FSCN1: variants seen among roughly 807,000 people sequenced by gnomAD.
The protein encoded by FSCN1 is fascin actin-bundling protein 1.
Under a neutral mutation model 39.7 loss-of-function variants are expected in FSCN1, and 10 were observed. That is an observed-to-expected ratio of 0.25 (90% confidence interval 0.16 to 0.43). The LOEUF is 0.43. Ranked by LOEUF, FSCN1 falls within the 20% of genes least tolerant of loss-of-function variation. The pLI, the probability that FSCN1 is intolerant of heterozygous loss-of-function variation, is 1.00. For missense variants in FSCN1, 525 were observed against 723.8 expected (o/e 0.73, Z 3.15); for synonymous variants, 322 against 320.0 (o/e 1.01, Z -0.07).
chr7:5,603,651 C>T lies in FSCN1; in HGVS notation c.1111+34C>T, dbSNP rs1405346270. The T allele has an allele frequency of 1.2e-6, 2 of 1,612,992 alleles. No homozygotes were observed. Among genetic ancestry groups the T allele is most frequent in the South Asian group, 1.1e-5 (1 of 91,044 alleles). ...AAAGCCCCAGTTCCCTGGAGCCGTC[C>T]TGGAGTCCTGGAGGGTCTGGCCATG... On this transcript the variant is annotated intron_variant, in intron 3 of 4. Coordinates refer to ENST00000382361, the MANE Select transcript of FSCN1 (RefSeq NM_003088.4). This position sits in a 1 kb window ranked among gnomAD's most constrained non-coding sequence, Gnocchi z 8.5.
chr7:5,594,615 G>T (rs140728684), intron 1 of FSCN1: 2,550 of 152,206 alleles, frequency 0.017, 35 homozygotes, highest in Non-Finnish European at 0.028. Context: ...CGGGTCCCGA[G>T]GTTCCCCAGG....
Position 5,603,377 on chromosome 7 carries a change from C to T in FSCN1, c.953C>T (p.Thr318Met), listed in dbSNP as rs150576558. ...RTHTGKYWTLTATGGVQSTAS... is the reference protein window; with the variant it reads ...RTHTGKYWTLMATGGVQSTAS... ...CACACGGGCAAGTACTGGACGCTGA[C>T]GGCCACCGGGGGCGTGCAGTCCACC... The change falls in exon 2 of 5, where the codon ACG (threonine) becomes ATG (methionine). Residue 318 changes from threonine (T) to methionine (M), a missense_variant. Coordinates refer to ENST00000382361, the MANE Select transcript of FSCN1 (RefSeq NM_003088.4). The surrounding 1 kb of genome is among the most constrained non-coding windows in gnomAD (Gnocchi z 8.5). The T allele has an allele frequency of 4.3e-5, 70 of 1,613,570 alleles. No homozygotes were observed. Among genetic ancestry groups the T allele is most frequent in the East Asian group, 1.1e-4 (5 of 44,890 alleles).
In FSCN1 at chr7:5,593,214, T is replaced by C. The variant is rs61732763; in HGVS notation, c.278T>C (p.Ile93Thr). 2 of 1,606,568 alleles carry C rather than the reference T, an allele frequency of 1.2e-6. No individual in the cohort carries two copies. Among genetic ancestry groups the C allele is most frequent in the South Asian group, 1.1e-5 (1 of 90,282 alleles). ...EVPGPDCRFL[I>T]VAHDDGRWSL... is the part of the protein sequence containing the mutation. ...CCCGGTCCCGACTGCCGTTTCCTCA[T>C]CGTGGCGCACGACGACGGTCGCTGG... Residue 93 changes from isoleucine to threonine, a missense_variant, in exon 1 of 5, where the codon ATC becomes ACC. Coordinates refer to ENST00000382361, the MANE Select transcript of FSCN1 (RefSeq NM_003088.4).
chr7:5,600,785 C>T (rs974044903), intron 1 of FSCN1, among the ~76,000 whole-genome samples: 22 of 152,044 alleles, frequency 1.4e-4, no homozygotes, highest in African/African-American at 5.3e-4. Context: ...TCCCGAGTAG[C>T]AGGGACTACA....
At chr7:5,598,381 TCTC>T (rs952177228) in intron 1 of FSCN1, among the ~76,000 whole-genome samples, 2 of 152,192 alleles carry the variant, frequency 1.3e-5, no homozygotes, top group Non-Finnish European at 2.9e-5. Flanking sequence ...CTCCCTTTCT[TCTC>T]TGGCTTGGGG....
chr7:5,594,145 G>A, intron 1 of FSCN1: 1 of 210,268 alleles, frequency 4.8e-6, no homozygotes, highest in Non-Finnish European at 9.2e-6. Context: ...CCATTTCCTC[G>A]TGCCCCTCCC....
Position 5,603,106 on chromosome 7 carries a change from T to C in FSCN1, c.833-151T>C. ...GCCTGCGTTCCTGGGTGCTCTCTGC[T>C]GCTTCTCATGTGTGCCACTGTGGGG... On this transcript the variant is annotated intron_variant, in intron 1 of 4. Transcript: ENST00000382361. This position sits in a 1 kb window ranked among gnomAD's most constrained non-coding sequence, Gnocchi z 8.5. The C allele has an allele frequency of 2.5e-6, 2 of 796,240 alleles. No homozygotes were observed. Among genetic ancestry groups the C allele is most frequent in the Non-Finnish European group, 4.1e-6 (2 of 490,148 alleles). 49.3% of individuals were successfully genotyped at this position (796,240 alleles called of 1,614,324 possible).
rs571667130 is a variant in FSCN1 at position 5,599,421 on chromosome 7, C to T, written c.833-3836C>T. Among the ~76,000 whole-genome samples the T allele has an allele frequency of 1.3e-5, 2 of 152,312 alleles. No individual in the cohort carries two copies. The highest frequency in any genetic ancestry group is 2.4e-5 in the African/African-American group (1 of 41,562). On this transcript the variant is annotated intron_variant, in intron 1 of 4. Coordinates refer to ENST00000382361, the MANE Select transcript of FSCN1 (RefSeq NM_003088.4). This position sits in a 1 kb window ranked among gnomAD's most constrained non-coding sequence, Gnocchi z 5.6. ...CTTGCTGTGTGACCTTAGGCAAGGA[C>T]ATGCCACCACCGGCCTTAGTCTCCC... is the stretch of plus-strand genomic sequence containing the variant.
At chr7:5,597,962 GA>G (rs1404632040) in intron 1 of FSCN1, among the ~76,000 whole-genome samples, 2 of 149,788 alleles carry the variant, frequency 1.3e-5, no homozygotes, top group Non-Finnish European at 3.0e-5. Flanking sequence ...AAATCCTGAA[GA>G]AAACACTGTT....
chr7:5,597,709 A>T (rs1358605244), intron 1 of FSCN1, among the ~76,000 whole-genome samples: 1 of 151,666 alleles, frequency 6.6e-6, no homozygotes, highest in Non-Finnish European at 1.5e-5. Context: ...AAACAAACAA[A>T]CAAAAAACTG....
At position 5,603,792 on chromosome 7, in the gene FSCN1, C is replaced by T. The variant is rs1785878142; in HGVS notation, c.1112-71C>T. ...GTGTGACCCCAGCTCCTGGCCCTCCCTCTCTGGTCACCCCAGCCTCCACCC... is the reference window on the plus strand; with the variant it reads ...GTGTGACCCCAGCTCCTGGCCCTCCTTCTCTGGTCACCCCAGCCTCCACCC... On this transcript the variant is annotated intron_variant, in intron 3 of 4. Transcript: ENST00000382361. This position sits in a 1 kb window ranked among gnomAD's most constrained non-coding sequence, Gnocchi z 8.5. 14 of 1,537,000 alleles carry T rather than the reference C, an allele frequency of 9.1e-6. No individual in the cohort carries two copies. The highest frequency in any genetic ancestry group is 1.2e-5 in the Non-Finnish European group (14 of 1,122,770).
At position 5,603,763 on chromosome 7, in the gene FSCN1, T is replaced by A; in HGVS notation, c.1112-100T>A. 4.1e-6 allele frequency: 6 copies of A among 1,459,966 alleles called. No individual in the cohort carries two copies. The highest frequency in any genetic ancestry group is 5.7e-6 in the Non-Finnish European group (6 of 1,059,170). 90.4% of individuals were successfully genotyped at this position (1,459,966 alleles called of 1,614,324 possible). On this transcript the variant is annotated intron_variant, in intron 3 of 4. Coordinates refer to ENST00000382361, the MANE Select transcript of FSCN1 (RefSeq NM_003088.4). This position sits in a 1 kb window ranked among gnomAD's most constrained non-coding sequence, Gnocchi z 8.5. ...CCCCGCACTGTCCTACCCTGGGGAC[T>A]GCTGTGTGACCCCAGCTCCTGGCCC...
At position 5,603,546 on chromosome 7, in the gene FSCN1, T is replaced by C; in HGVS notation, c.1040T>C (p.Leu347Pro). ...DIEWRDRRIT[L>P]RASNGKFVTS... The stretch of plus-strand genomic sequence containing the variant: ...GAGTGGCGTGACCGGCGCATCACAC[T>C]GAGGGCGTCCAATGGCAAGTTTGTG... Residue 347 changes from leucine (L) to proline (P), a missense_variant, in exon 3 of 5, where the codon CTG becomes CCG. By Grantham distance (98) the Leu-to-Pro change is moderately conservative (BLOSUM62 -3). Coordinates refer to ENST00000382361, the MANE Select transcript of FSCN1 (RefSeq NM_003088.4). This position sits in a 1 kb window ranked among gnomAD's most constrained non-coding sequence, Gnocchi z 8.5. 6.2e-7 allele frequency: 1 copy of C among 1,614,116 alleles called. No individual in the cohort carries two copies. The highest frequency in any genetic ancestry group is 8.5e-7 in the Non-Finnish European group (1 of 1,180,014).
rs535034843 is a variant in FSCN1, at chr7:5,603,322, C to T, written c.898C>T (p.Arg300Cys). Residue 300 changes from arginine (R) to cysteine (C), a missense_variant, in exon 2 of 5, where the codon CGC (arginine) becomes TGC (cysteine). Arg to Cys is a radical substitution (Grantham distance 180). This residue lies in a region of FSCN1 where 275 missense variants were observed against 351.9 expected (regional missense o/e 0.78). Transcript: ENST00000382361. This position sits in a 1 kb window ranked among gnomAD's most constrained non-coding sequence, Gnocchi z 8.5. The stretch of plus-strand genomic sequence containing the variant: ...GGAGACCTTCCAGCTGGAGATCGAC[C>T]GCGACACCAAAAAGTGTGCCTTCCG... ...DQETFQLEIDRDTKKCAFRTH... is the reference protein window; with the variant it reads ...DQETFQLEIDCDTKKCAFRTH... 21 of 1,613,450 alleles carry T rather than the reference C, an allele frequency of 1.3e-5. No individual in the cohort carries two copies. The Middle Eastern group carries it at 5.1e-4, about 39-fold the overall frequency.
Position 5,605,533 on chromosome 7 carries a change from T to C in FSCN1, c.*59T>C. On this transcript the variant is annotated 3_prime_UTR_variant, in exon 5 of 5. Coordinates refer to ENST00000382361, the MANE Select transcript of FSCN1 (RefSeq NM_003088.4). The surrounding 1 kb of genome is among the most constrained non-coding windows in gnomAD (Gnocchi z 6.9). ...GGCGGCTCCTGCCAACCCTCCCTGCTAACCCCTTCTCCGCCAGGTGGGCTC... is the reference window on the plus strand; with the variant it reads ...GGCGGCTCCTGCCAACCCTCCCTGCCAACCCCTTCTCCGCCAGGTGGGCTC... 1 of 1,270,944 alleles carries C rather than the reference T, an allele frequency of 7.9e-7. No homozygotes were observed. Among genetic ancestry groups the C allele is most frequent in the Middle Eastern group, 2.0e-4 (1 of 5,002 alleles). 78.7% of individuals were successfully genotyped at this position (1,270,944 alleles called of 1,614,324 possible). A position where few individuals can be genotyped will look rare whatever the true frequency, so the allele number is the denominator to read the frequency against.
rs1785929623 is a variant in FSCN1 at position 5,606,152 on chromosome 7, AG to A, written c.*682del. Reference sequence around the variant, plus strand: ...GCCAAGGTGGTGGTGGCGGGCGGGTAGGGGTGTGGGGGCCGTCTTCCTCCTG... The same window carrying A: ...GCCAAGGTGGTGGTGGCGGGCGGGTAGGGTGTGGGGGCCGTCTTCCTCCTG... On this transcript the variant is annotated 3_prime_UTR_variant, in exon 5 of 5. Transcript: ENST00000382361. The surrounding 1 kb of genome is among the most constrained non-coding windows in gnomAD (Gnocchi z 5.1). The A allele has an allele frequency of 6.7e-6, 1 of 150,272 alleles. No individual in the cohort carries two copies. The highest frequency in any genetic ancestry group is 3.5e-3 in the Middle Eastern group (1 of 288). The allele number at this position is 150,272 out of a possible 1,614,324, so 9.3% of individuals were successfully genotyped here. A position where few individuals can be genotyped will look rare whatever the true frequency, so the allele number is the denominator to read the frequency against.
rs759441971 is a variant in FSCN1, at chr7:5,593,193, G to A, written c.257G>A (p.Gly86Asp). 9.4e-6 allele frequency: 15 copies of A among 1,602,790 alleles called. 1 individual carries two copies. Among genetic ancestry groups the A allele is most frequent in the South Asian group, 3.3e-5 (3 of 89,926 alleles). Reference sequence around the variant, plus strand: ...GTGACCTGCGAGCGCGAGGTGCCCGGTCCCGACTGCCGTTTCCTCATCGTG... The same window carrying A: ...GTGACCTGCGAGCGCGAGGTGCCCGATCCCGACTGCCGTTTCCTCATCGTG... Reference protein sequence around the residue: ...GNVTCEREVPGPDCRFLIVAH... With the variant: ...GNVTCEREVPDPDCRFLIVAH... Residue 86 changes from glycine (G) to aspartate (D), a missense_variant, in exon 1 of 5, where the codon GGT becomes GAT. By Grantham distance (94) the Gly-to-Asp change is moderately conservative. Coordinates refer to ENST00000382361, the MANE Select transcript of FSCN1 (RefSeq NM_003088.4).
chr7:5,596,020 T>TG (rs1785723712), intron 1 of FSCN1, among the ~76,000 whole-genome samples: 1 of 104,440 alleles, frequency 9.6e-6, no homozygotes, highest in South Asian at 3.4e-4. Flanking sequence ...GAAAGGGATG[T>TG]GGGACGGCGC....
intron 1 of FSCN1, among the ~76,000 whole-genome samples, chr7:5,594,363 G>T (rs999393297): frequency 4.6e-5 from 7 of 151,770 alleles, no homozygotes; most frequent in Non-Finnish European, 1.0e-4. Flanking sequence ...TCCGCTGGTG[G>T]GGGGGGGCGC....
Sources: gnomAD v4.1 joint callset for allele counts (sites outside exome capture counted in the v4.1 genomes callset) on GRCh38, gnomAD v4.1.1 for gene constraint, gnomAD v4.1.1 regional missense constraint, Gnocchi (gnomAD v3.1) non-coding constraint, MANE v1.5 for transcripts, NCBI Gene and HGNC (gene_info 2026-07-23, HGNC 2026-07-21) for gene names.